Variants in PARK7 observed in about 807,000 individuals in gnomAD.
PARK7 encodes the protein Parkinson disease protein 7.
In PARK7, 14 loss-of-function variants were observed where a neutral mutation model predicts 20.5. That is an observed-to-expected ratio of 0.68 (90% confidence interval 0.45 to 1.07). The LOEUF is 1.07. PARK7 is among the 50% of genes least tolerant of loss of function. The pLI is 0.00. For synonymous variants in PARK7, 98 were observed against 84.3 expected, an observed-to-expected ratio of 1.16 and a Z score of -0.89; for missense variants, 234 against 238.1, an observed-to-expected ratio of 0.98 and a Z score of 0.11.
At chr1:7,972,858 G>T (rs529063340) in intron 5 of PARK7, among the ~76,000 whole-genome samples, 1 of 152,260 alleles carries the variant, frequency 6.6e-6, no homozygotes, top group South Asian at 2.1e-4. Context: ...GGCTAACATG[G>T]TGAAACCCCG....
At chr1:7,983,666 C>T (rs1277720731) in intron 6 of PARK7, among the ~76,000 whole-genome samples, 1 of 152,256 alleles carries the variant, frequency 6.6e-6, no homozygotes, top group Non-Finnish European at 1.5e-5. Flanking sequence ...GGGGAACTGG[C>T]TATGCCCTGC....
chr1:7,968,082 G>C (rs1433638954), intron 3 of PARK7, among the ~76,000 whole-genome samples: 1 of 151,894 alleles, frequency 6.6e-6, no homozygotes, highest in Non-Finnish European at 1.5e-5. Flanking sequence ...GGCCGAGATG[G>C]GTGTATCACG....
chr1:7,983,655 T>C (rs1441308578), intron 6 of PARK7, among the ~76,000 whole-genome samples: 2 of 152,216 alleles, frequency 1.3e-5, no homozygotes, highest in Non-Finnish European at 2.9e-5. Flanking sequence ...GGGCTTTCCA[T>C]GGGGAACTGG....
chr1:7,983,844 CA>C (rs1302472746), intron 6 of PARK7, among the ~76,000 whole-genome samples: 1 of 152,214 alleles, frequency 6.6e-6, no homozygotes, highest in African/African-American at 2.4e-5. Flanking sequence ...CCTCACACTT[CA>C]GGGGTGCCTC....
chr1:7,984,725 AT>A lies in PARK7; in HGVS notation c.410-168del. 1 of 754,236 alleles carries A rather than the reference AT, an allele frequency of 1.3e-6. No homozygotes were observed. The allele number at this position is 754,236 out of a possible 1,614,324, so 46.7% of individuals were successfully genotyped here. On this transcript the variant is annotated intron_variant, in intron 6 of 6. Transcript: ENST00000338639. This position sits in a 1 kb window ranked among gnomAD's most constrained non-coding sequence, Gnocchi z 4.3. Reference sequence around the variant, plus strand: ...CCCTTTGCTCTGCACAGTTTTAAAAATACCTTTGTAGGGGGCTTCTAAGAGC... The same window carrying A: ...CCCTTTGCTCTGCACAGTTTTAAAAAACCTTTGTAGGGGGCTTCTAAGAGC...
At chr1:7,980,331 G>A (rs961983846) in intron 6 of PARK7, among the ~76,000 whole-genome samples, 1 of 152,078 alleles carries the variant, frequency 6.6e-6, no homozygotes, top group African/African-American at 2.4e-5. Context: ...GAAGACAAGC[G>A]GAGCGCGCTC....
At chr1:7,981,186 A>C (rs894426762) in intron 6 of PARK7, among the ~76,000 whole-genome samples, 6 of 152,118 alleles carry the variant, frequency 3.9e-5, no homozygotes, top group Non-Finnish European at 8.8e-5. Flanking sequence ...TTCCCCACTC[A>C]CTGTGGGAAG....
rs1282263004 is a variant in PARK7, at chr1:7,984,631, A to G, written c.410-263A>G. The stretch of plus-strand genomic sequence containing the variant: ...CTGTCATTCACCGACATCTCCCCCA[A>G]CACTTAAAGTCTTAGCAGCTGCATT... On this transcript the variant is annotated intron_variant, in intron 6 of 6. Transcript: ENST00000338639. This position sits in a 1 kb window ranked among gnomAD's most constrained non-coding sequence, Gnocchi z 4.3. 1.3e-5 allele frequency among the ~76,000 whole-genome samples: 2 copies of G among 151,708 alleles called. No individual in the cohort carries two copies. Among genetic ancestry groups the G allele is most frequent in the African/African-American group, 2.4e-5 (1 of 40,972 alleles).
chr1:7,963,155 C>T (rs565291015), intron 2 of PARK7, among the ~76,000 whole-genome samples: 2 of 152,248 alleles, frequency 1.3e-5, no homozygotes, highest in Admixed American at 1.3e-4. Context: ...TCTCTGCCTC[C>T]TGGGCCCAAA....
At chr1:7,970,550 C>T (rs1640443783) in intron 4 of PARK7, among the ~76,000 whole-genome samples, 1 of 152,166 alleles carries the variant, frequency 6.6e-6, no homozygotes, top group Non-Finnish European at 1.5e-5. Flanking sequence ...TCTTTTCCTG[C>T]TAGATTCTGT....
chr1:7,966,523 G>A (rs557201148), intron 3 of PARK7, among the ~76,000 whole-genome samples: 5 of 151,786 alleles, frequency 3.3e-5, no homozygotes, highest in East Asian at 3.9e-4. Context: ...TAGCGAGACC[G>A]TTTCTCTTTA....
chr1:7,965,967 C>T (rs1036449978), intron 3 of PARK7, among the ~76,000 whole-genome samples: 11 of 152,142 alleles, frequency 7.2e-5, no homozygotes, highest in Non-Finnish European at 1.2e-4. Context: ...GTGCCATGCC[C>T]GGCCATTATT....
In PARK7 at chr1:7,965,382, T is replaced by C; in HGVS notation, c.149T>C (p.Val50Ala). The C allele has an allele frequency of 6.2e-7, 1 of 1,614,232 alleles. No individual in the cohort carries two copies. Among genetic ancestry groups the C allele is most frequent in the Non-Finnish European group, 8.5e-7 (1 of 1,180,028 alleles). ...GACCCAGTACAGTGTAGCCGTGATG[T>C]GGTCATTTGTCCTGATGCCAGCCTT... ...GKDPVQCSRD[V>A]VICPDASLED... The change falls in exon 3 of 7, where the codon GTG (valine) becomes GCG (alanine). Residue 50 changes from valine to alanine, a missense_variant. Transcript: ENST00000338639.
At chr1:7,983,717 A>G (rs1640758855) in intron 6 of PARK7, among the ~76,000 whole-genome samples, 4 of 152,174 alleles carry the variant, frequency 2.6e-5, no homozygotes, top group Admixed American at 2.6e-4. Context: ...CTGGGCATGG[A>G]TCGAAGGGGC....
chr1:7,984,297 T>C lies in PARK7; in HGVS notation c.410-597T>C, dbSNP rs1308100238. Among the ~76,000 whole-genome samples, 4 of 152,274 alleles carry C rather than the reference T, an allele frequency of 2.6e-5. No individual in the cohort carries two copies. Among genetic ancestry groups the C allele is most frequent in the Non-Finnish European group, 1.5e-5 (1 of 68,018 alleles). On this transcript the variant is annotated intron_variant, in intron 6 of 6. Transcript: ENST00000338639. The surrounding 1 kb of genome is among the most constrained non-coding windows in gnomAD (Gnocchi z 4.3). ...GGAGGGGCAGAGCTCAGGGCATCCA[T>C]GCTTAAGAGTCCCAGTTTTGGTATT...
At chr1:7,966,828 A>G (rs1640341138) in intron 3 of PARK7, among the ~76,000 whole-genome samples, 1 of 152,226 alleles carries the variant, frequency 6.6e-6, no homozygotes, top group Admixed American at 6.5e-5. Context: ...ATAAGTGTAC[A>G]TATTCATGGG....
chr1:7,978,505 G>T (rs1483296781), intron 6 of PARK7, among the ~76,000 whole-genome samples: 1 of 151,180 alleles, frequency 6.6e-6, no homozygotes, highest in East Asian at 2.0e-4. Flanking sequence ...GGACTCTCCT[G>T]TCTCAGCCTC....
chr1:7,973,134 G>C (rs1640499844), intron 5 of PARK7, among the ~76,000 whole-genome samples: 1 of 152,196 alleles, frequency 6.6e-6, no homozygotes. Flanking sequence ...CTAAATGTTT[G>C]AGAACCGTGG....
chr1:7,973,684 A>T (rs1640510761), intron 5 of PARK7, among the ~76,000 whole-genome samples: 1 of 152,024 alleles, frequency 6.6e-6, no homozygotes, highest in Non-Finnish European at 1.5e-5. Context: ...ATTGCACTCC[A>T]GCCTGGGCAA....
Sources: gnomAD v4.1 joint callset for allele counts (sites outside exome capture counted in the v4.1 genomes callset) on GRCh38, gnomAD v4.1.1 for gene constraint, Gnocchi (gnomAD v3.1) non-coding constraint, MANE v1.5 for transcripts, NCBI Gene and HGNC (gene_info 2026-07-23, HGNC 2026-07-21) for gene names.